DLGAP4: variants seen among roughly 807,000 people sequenced by gnomAD.
DLGAP4 encodes DLG associated protein 4, also known as disks large-associated protein 4.
A neutral mutation model predicts 86.9 loss-of-function variants in DLGAP4; 18 were observed. The ratio of observed to expected loss-of-function variants is 0.21; its 90% CI spans 0.14 to 0.31. DLGAP4 has a LOEUF of 0.31. Ranked by LOEUF, DLGAP4 falls within the 10% of genes least tolerant of loss-of-function variation. The probability of loss-of-function intolerance (pLI) is 1.00; values close to 1 mark genes in which losing one functional copy is unlikely to be tolerated. For synonymous variants in DLGAP4, 548 were observed against 574.3 expected (o/e 0.95, Z 0.65); for missense variants, 1,085 against 1,362.6 (o/e 0.80, Z 3.21).
intron 1 of DLGAP4, among the ~76,000 whole-genome samples, chr20:36,351,516 A>G (rs373341765): frequency 1.8e-4 from 27 of 151,972 alleles, no homozygotes; most frequent in African/African-American, 6.0e-4. Context: ...GGGACCATCT[A>G]GTTGCAGGAA....
intron 2 of DLGAP4, among the ~76,000 whole-genome samples, chr20:36,386,423 G>A (rs2031599169): frequency 6.6e-6 from 1 of 150,976 alleles, no homozygotes. Flanking sequence ...AGGAAGGGAA[G>A]GAGGGAGAAA....
At chr20:36,318,775 A>G (rs1486980848) in intron 1 of DLGAP4, among the ~76,000 whole-genome samples, 1 of 152,114 alleles carries the variant, frequency 6.6e-6, no homozygotes, top group Non-Finnish European at 1.5e-5. Context: ...TCTGGAAATG[A>G]GGTGTTCATA....
intron 2 of DLGAP4, among the ~76,000 whole-genome samples, chr20:36,387,771 T>C (rs933020501): frequency 6.6e-6 from 1 of 152,226 alleles, no homozygotes; most frequent in Non-Finnish European, 1.5e-5. Context: ...TCTCACTGAT[T>C]TGAAATACCA....
intron 2 of DLGAP4, among the ~76,000 whole-genome samples, chr20:36,381,732 A>G (rs1479303643): frequency 1.3e-5 from 2 of 151,968 alleles, no homozygotes; most frequent in Non-Finnish European, 2.9e-5. Context: ...TACTTATATG[A>G]CAGGTATGAT....
At chr20:36,323,478 A>G (rs1456456274) in intron 1 of DLGAP4, among the ~76,000 whole-genome samples, 1 of 152,206 alleles carries the variant, frequency 6.6e-6, no homozygotes, top group African/African-American at 2.4e-5. Context: ...CTTAGCGAAT[A>G]TGTCATACGT....
intron 7 of DLGAP4, among the ~76,000 whole-genome samples, chr20:36,466,997 G>GTCTC (rs550402174): frequency 2.6e-5 from 1 of 38,686 alleles, no homozygotes; most frequent in African/African-American, 1.1e-4. Context: ...CTCTGTCTCT[G>GTCTC]TCTCTCTCTC....
chr20:36,469,684 TG>T (rs1292020512), intron 7 of DLGAP4, among the ~76,000 whole-genome samples: 35 of 134,392 alleles, frequency 2.6e-4, no homozygotes, highest in African/African-American at 9.9e-4. Flanking sequence ...ACCCGGGAGG[TG>T]GAGGTTGCAG....
rs1407524598 is a variant in DLGAP4 at position 36,496,994 on chromosome 20, A to C, written c.1938A>C (p.Gln646His). 44 of 1,614,086 alleles carry C rather than the reference A, an allele frequency of 2.7e-5. No individual in the cohort carries two copies. The highest frequency in any genetic ancestry group is 3.6e-5 in the Non-Finnish European group (43 of 1,180,042). Residue 646 changes from glutamine (Q) to histidine (H), a missense_variant, in exon 8 of 13, where the codon CAA becomes CAC. Physicochemically the swap from Gln to His is conservative, Grantham distance 24. Around this residue, in one of 2 missense-constraint regions of DLGAP4, gnomAD observed 1,082 missense variants for 1,344.1 expected, o/e 0.81. Coordinates refer to ENST00000339266, the MANE Select transcript of DLGAP4 (RefSeq NM_001365621.2). ...PPKHAALKSE[Q>H]GTLTSSESHP... ...AACATGCAGCTCTGAAAAGTGAACA[A>C]GGGACGCTGACCAGCTCTGAGTCCC...
Position 36,525,216 on chromosome 20 carries a change from CAAAAAAAAAAAAAAAAA to C in DLGAP4, c.2605-613_2605-597del, listed in dbSNP as rs1159616185. 2.1e-3 allele frequency among the ~76,000 whole-genome samples: 60 copies of C among 28,504 alleles called. 1 individual carries two copies. Among genetic ancestry groups the C allele is most frequent in the South Asian group, 4.8e-3 (2 of 416 alleles). The allele number at this position is 28,504 out of a possible 152,430, so 18.7% of individuals were successfully genotyped here. A position where few individuals can be genotyped will look rare whatever the true frequency, so the allele number is the denominator to read the frequency against. ...TGGGTGACAGAGCGAGACTCCGTCT[CAAAAAAAAAAAAAAAAA>C]AAAAAAAAAAAAAAAAAAAAACAAA... On this transcript the variant is annotated intron_variant, in intron 11 of 12. Transcript: ENST00000339266.
intron 1 of DLGAP4, among the ~76,000 whole-genome samples, chr20:36,346,887 G>T (rs1283842191): frequency 6.6e-6 from 1 of 152,196 alleles, no homozygotes; most frequent in African/African-American, 2.4e-5. Flanking sequence ...ACAGGGCTGG[G>T]GAGGGGTTTC....
chr20:36,514,855 G>A lies in DLGAP4; in HGVS notation c.2513-9395G>A, dbSNP rs555073742. Among the ~76,000 whole-genome samples the A allele has an allele frequency of 7.2e-5, 11 of 152,250 alleles. No homozygotes were observed. The East Asian group carries it at 1.9e-3, about 27-fold the overall frequency. Reference sequence around the variant, plus strand: ...CCTTAGGTGAGAAGGAATCGAATTAGTGCCCAAGTAGAGAACAGATAGCTT... The same window carrying A: ...CCTTAGGTGAGAAGGAATCGAATTAATGCCCAAGTAGAGAACAGATAGCTT... On this transcript the variant is annotated intron_variant, in intron 10 of 12. Coordinates refer to ENST00000339266, the MANE Select transcript of DLGAP4 (RefSeq NM_001365621.2).
intron 1 of DLGAP4, among the ~76,000 whole-genome samples, chr20:36,356,316 TG>T: frequency 6.6e-6 from 1 of 152,290 alleles, no homozygotes; most frequent in Admixed American, 6.5e-5. Flanking sequence ...TTTGTTTGTT[TG>T]TTTGTTTGTT....
chr20:36,401,078 G>A (rs1381613827), intron 2 of DLGAP4, among the ~76,000 whole-genome samples: 3 of 138,136 alleles, frequency 2.2e-5, no homozygotes, highest in African/African-American at 5.3e-5. Context: ...TCCCCCACCC[G>A]CCCAGCAACC....
intron 1 of DLGAP4, among the ~76,000 whole-genome samples, chr20:36,353,238 C>T (rs1192948518): frequency 2.0e-5 from 3 of 152,182 alleles, no homozygotes; most frequent in African/African-American, 7.2e-5. Flanking sequence ...GGGTTTTAGA[C>T]AGGGCAGCCA....
At position 36,461,763 on chromosome 20, in the gene DLGAP4, G is replaced by T. The variant is rs955371902; in HGVS notation, c.1648+14826G>T. Reference sequence around the variant, plus strand: ...CGTCCGTCCGTCCGCCCGCCCGCCCGCCCGCCCGCGCTTCCGTCCTGTCCA... The same window carrying T: ...CGTCCGTCCGTCCGCCCGCCCGCCCTCCCGCCCGCGCTTCCGTCCTGTCCA... On this transcript the variant is annotated intron_variant, in intron 7 of 12. Transcript: ENST00000339266. 5.5e-4 allele frequency: 146 copies of T among 263,266 alleles called. 1 individual carries two copies. Among genetic ancestry groups the T allele is most frequent in the Non-Finnish European group, 7.0e-4 (143 of 204,050 alleles). The allele number at this position is 263,266 out of a possible 1,614,324, so 16.3% of individuals were successfully genotyped here. A position where few individuals can be genotyped will look rare whatever the true frequency, so the allele number is the denominator to read the frequency against.
chr20:36,338,864 A>C (rs2065348501), intron 1 of DLGAP4, among the ~76,000 whole-genome samples: 1 of 152,182 alleles, frequency 6.6e-6, no homozygotes, highest in South Asian at 2.1e-4. Context: ...GAAGAGGGAG[A>C]GAAGGGCATT....
intron 1 of DLGAP4, among the ~76,000 whole-genome samples, chr20:36,358,715 G>A (rs552636842): frequency 6.4e-4 from 97 of 152,280 alleles, no homozygotes; most frequent in Middle Eastern, 3.4e-3. Flanking sequence ...GGCTGAGGCA[G>A]GAGAATGGCG....
Position 36,497,024 on chromosome 20 carries a change from C to G in DLGAP4, c.1968C>G (p.Pro656=). 1 of 1,610,512 alleles carries G rather than the reference C, an allele frequency of 6.2e-7. No individual in the cohort carries two copies. The highest frequency in any genetic ancestry group is 8.5e-7 in the Non-Finnish European group (1 of 1,177,500). Residue 656 remains proline, a synonymous_variant, in exon 8 of 13, where the codon CCC becomes CCG. Transcript: ENST00000339266. ...CGCTGACCAGCTCTGAGTCCCACCC[C>G]GAGGCCGCCCCCAAAAGGAAACTGT... is the stretch of plus-strand genomic sequence containing the variant. ...QGTLTSSESH[P]EAAPKRKLSS...
chr20:36,476,647 T>G (rs1284889655), intron 7 of DLGAP4, among the ~76,000 whole-genome samples: 1 of 148,502 alleles, frequency 6.7e-6, no homozygotes, highest in Non-Finnish European at 1.5e-5. Flanking sequence ...CCATTCTTTC[T>G]ATGAATTCTA....
Sources: gnomAD v4.1 joint callset for allele counts (sites outside exome capture counted in the v4.1 genomes callset) on GRCh38, gnomAD v4.1.1 for gene constraint, gnomAD v4.1.1 regional missense constraint, MANE v1.5 for transcripts, NCBI Gene and HGNC (gene_info 2026-07-23, HGNC 2026-07-21) for gene names.